Variants in PLXNA4 observed in about 807,000 individuals in gnomAD.
The protein encoded by PLXNA4 is plexin A4, also known as plexin-A4.
Under a neutral mutation model 191.8 loss-of-function variants are expected in PLXNA4, and 44 were observed. The observed-to-expected ratio is 0.23, with a 90% confidence interval of 0.18 to 0.29. The LOEUF is 0.29. Among genes scored for constraint, PLXNA4 ranks in the 10% least tolerant of loss-of-function variants. The pLI is 1.00. For synonymous variants in PLXNA4, 1,082 were observed against 1,009.5 expected (o/e 1.07, Z -1.36); for missense variants, 1,800 against 2,488.8 (o/e 0.72, Z 5.89).
At chr7:132,605,298 G>A (rs2116845619) in intron 2 of PLXNA4, among the ~76,000 whole-genome samples, 1 of 152,298 alleles carries the variant, frequency 6.6e-6, no homozygotes, top group South Asian at 2.1e-4. Context: ...AGACCCTTTG[G>A]ACTAGGCATT....
chr7:132,163,259 C>T (rs117310925), intron 24 of PLXNA4, among the ~76,000 whole-genome samples: 2,293 of 152,302 alleles, frequency 0.015, 26 homozygotes, highest in Non-Finnish European at 0.022. Context: ...AGTGGACGCA[C>T]GGTGACAGTG....
intron 3 of PLXNA4, among the ~76,000 whole-genome samples, chr7:132,381,024 T>A (rs1804873316): frequency 6.6e-6 from 1 of 152,264 alleles, no homozygotes; most frequent in Non-Finnish European, 1.5e-5. Flanking sequence ...CGGATCTGAA[T>A]CTGTTCTGCT....
intron 4 of PLXNA4, among the ~76,000 whole-genome samples, chr7:132,278,993 G>T (rs1368813771): frequency 6.6e-6 from 1 of 152,220 alleles, no homozygotes; most frequent in African/African-American, 2.4e-5. Flanking sequence ...ACCACATTGT[G>T]TCTCTTGCAA....
Position 132,168,652 on chromosome 7 carries a change from T to C in PLXNA4, c.4018-80A>G, listed in dbSNP as rs546431052. On this transcript the variant is annotated intron_variant, in intron 21 of 31. Coordinates refer to ENST00000321063, the MANE Select transcript of PLXNA4 (RefSeq NM_020911.2). ...CCTCCCCACGGGATGGCTGTGCCCA[T>C]ATCCATGACCCTCTCATCCACCAAT... The C allele has an allele frequency of 1.7e-5, 25 of 1,484,502 alleles. 1 individual carries two copies. The highest frequency in any genetic ancestry group is 1.8e-4 in the Middle Eastern group (1 of 5,428). 92.0% of individuals were successfully genotyped at this position (1,484,502 alleles called of 1,614,324 possible).
upstream of PLXNA4, chr7:132,576,524 C>T (rs997267700): frequency 1.2e-5 from 12 of 985,776 alleles, no homozygotes; most frequent in Middle Eastern, 1.0e-3. This position sits in a 1 kb window ranked among gnomAD's most constrained non-coding sequence, Gnocchi z 5.8. Flanking sequence ...TGTGCGTGTG[C>T]GCGCGTGTGG....
intron 15 of PLXNA4, among the ~76,000 whole-genome samples, 183 bp downstream of exon 15, chr7:132,187,288 T>C (rs1462685739): frequency 6.6e-6 from 1 of 152,222 alleles, no homozygotes; most frequent in Non-Finnish European, 1.5e-5. Flanking sequence ...ATTGATTAAA[T>C]TCTTTCTCTA....
intron 1 of PLXNA4, among the ~76,000 whole-genome samples, chr7:132,521,192 AAAAAAAAAAAT>A (rs1192344350): frequency 6.6e-6 from 1 of 151,766 alleles, no homozygotes; most frequent in Non-Finnish European, 1.5e-5. Context: ...AAAAAAAAAA[AAAAAAAAAAAT>A]TCAGAATGAC....
At chr7:132,372,897 G>A (rs1235453000) in intron 3 of PLXNA4, among the ~76,000 whole-genome samples, 2 of 152,314 alleles carry the variant, frequency 1.3e-5, no homozygotes, top group African/African-American at 4.8e-5. Flanking sequence ...CAGAGGGCCT[G>A]GCGTGGAGAG....
intron 5 of PLXNA4, among the ~76,000 whole-genome samples, chr7:132,231,901 G>A (rs1230668816): frequency 6.6e-6 from 1 of 152,178 alleles, no homozygotes; most frequent in African/African-American, 2.4e-5. Context: ...GTTGTCAAAG[G>A]GTATTGAGAA....
chr7:132,338,258 C>T (rs533876978), intron 3 of PLXNA4, among the ~76,000 whole-genome samples: 5 of 152,198 alleles, frequency 3.3e-5, no homozygotes, highest in South Asian at 2.1e-4. Context: ...GTTCTGCCAC[C>T]GGCACAGGAG....
intron 29 of PLXNA4, among the ~76,000 whole-genome samples, chr7:132,143,423 A>C (rs1049562729): frequency 2.6e-5 from 4 of 152,228 alleles, no homozygotes; most frequent in South Asian, 2.1e-4. Flanking sequence ...ATGGGGTGAA[A>C]ACAAATGGTT....
At chr7:132,293,182 T>G (rs187670941) in intron 4 of PLXNA4, among the ~76,000 whole-genome samples, 1 of 152,268 alleles carries the variant, frequency 6.6e-6, no homozygotes, top group African/African-American at 2.4e-5. Flanking sequence ...TCTGTTAACT[T>G]GGAAAGTGCT....
intron 5 of PLXNA4, among the ~76,000 whole-genome samples, chr7:132,230,615 G>C (rs1198138409): frequency 6.6e-6 from 1 of 152,120 alleles, no homozygotes; most frequent in African/African-American, 2.4e-5. Context: ...TAATTTACCA[G>C]GCCAGCTCCT....
At chr7:132,648,038 C>CAT (rs893842081) in intron 1 of PLXNA4, among the ~76,000 whole-genome samples, 6 of 151,994 alleles carry the variant, frequency 3.9e-5, no homozygotes, top group Admixed American at 6.6e-5. Context: ...CACACACAGT[C>CAT]ATATATATAC....
chr7:132,646,236 C>T (rs886626961), intron 1 of PLXNA4, among the ~76,000 whole-genome samples: 2 of 152,052 alleles, frequency 1.3e-5, no homozygotes, highest in East Asian at 1.9e-4. Context: ...GGAAGAGCTA[C>T]GGACTCTCTC....
intron 30 of PLXNA4, 64 bp downstream of exon 30, chr7:132,140,535 T>G (rs1401703418): frequency 5.7e-6 from 9 of 1,584,394 alleles, no homozygotes; most frequent in Admixed American, 1.8e-5. Flanking sequence ...GAGGGGACCT[T>G]TTGTTGAGGG....
intron 1 of PLXNA4, among the ~76,000 whole-genome samples, chr7:132,544,219 A>T (rs1800199311): frequency 1.3e-5 from 2 of 152,224 alleles, no homozygotes; most frequent in Admixed American, 1.3e-4. Context: ...CAAAGAAAAG[A>T]TCTGTTTCAA....
chr7:132,263,935 C>T (rs1029591938), intron 4 of PLXNA4, among the ~76,000 whole-genome samples: 6 of 152,244 alleles, frequency 3.9e-5, no homozygotes, highest in Middle Eastern at 3.4e-3. Flanking sequence ...ATTTAGAGTT[C>T]GCCTGTATCA....
At chr7:132,518,880 G>A (rs1013275643) in intron 1 of PLXNA4, among the ~76,000 whole-genome samples, 2 of 152,098 alleles carry the variant, frequency 1.3e-5, no homozygotes, top group Non-Finnish European at 2.9e-5. Context: ...GGCCTGGAGG[G>A]TGTTCCCTCA....
Sources: allele counts gnomAD v4.1 joint callset (sites outside exome capture counted in the v4.1 genomes callset), GRCh38; gene constraint gnomAD v4.1.1; non-coding constraint Gnocchi (gnomAD v3.1); transcripts MANE v1.5; gene names NCBI Gene and HGNC (gene_info 2026-07-23, HGNC 2026-07-21).